WDR62: variants seen among roughly 807,000 people sequenced by gnomAD.
WDR62 encodes the protein WD repeat-containing protein 62.
A neutral mutation model predicts 160.6 loss-of-function variants in WDR62; 112 were observed. The observed-to-expected ratio is 0.70, with a 90% CI of 0.60 to 0.82. The LOEUF (loss-of-function observed/expected upper bound fraction) is 0.82. WDR62 is among the 40% of genes least tolerant of loss of function. WDR62 has a pLI of 0.00. For synonymous variants in WDR62, 792 were observed against 815.1 expected (o/e 0.97, Z 0.48); for missense variants, 1,819 against 1,983.8 (o/e 0.92, Z 1.58).
rs756674838 is a variant in WDR62 at position 36,094,200 on chromosome 19, G to A, written c.2467+36G>A. The A allele has an allele frequency of 3.1e-6, 5 of 1,609,134 alleles. No homozygotes were observed. The South Asian group carries it at 3.3e-5, about 11-fold the overall frequency. ...GGGCCCTATTTTGAACTATGTCAGT[G>A]TAGGGAATCATTGCTGGGTTTTGCC... On this transcript the variant is annotated intron_variant, in intron 20 of 31. Transcript: ENST00000401500.
At chr19:36,059,838 G>A in intron 2 of WDR62, 130 bp from the exon 3 acceptor site, 1 of 902,848 alleles carries the variant, frequency 1.1e-6, no homozygotes, top group East Asian at 2.4e-5. Context: ...ACCTGGAGGA[G>A]GGGGAGGAGG....
At chr19:36,094,212 T>C in intron 20 of WDR62, 48 bp downstream of exon 20, 1 of 1,567,008 alleles carries the variant, frequency 6.4e-7, no homozygotes, top group South Asian at 1.1e-5. Flanking sequence ...AGGGAATCAT[T>C]GCTGGGTTTT....
rs373738935 is a variant in WDR62 at position 36,086,720 on chromosome 19, G to A, written c.1676G>A (p.Arg559Gln). The part of the protein sequence containing the change: ...LTLLASASRD[R>Q]LIHVLNVEKN... ...TTGCTGGCCTCAGCCAGTCGGGACC[G>A]GCTGATCCATGTGCTGAACGTGGAG... The change falls in exon 13 of 32, where the codon CGG (arginine) becomes CAG (glutamine). Residue 559 changes from arginine to glutamine, a missense_variant. Physicochemically the swap from Arg to Gln is conservative, Grantham distance 43. Around this residue, in one of 3 missense-constraint regions of WDR62, gnomAD observed 934 missense variants for 1,157.2 expected, o/e 0.81. Coordinates refer to ENST00000401500, the MANE Select transcript of WDR62 (RefSeq NM_001083961.2). 56 of 1,604,944 alleles carry A rather than the reference G, an allele frequency of 3.5e-5. No homozygotes were observed. Among genetic ancestry groups the A allele is most frequent in the Non-Finnish European group, 4.2e-5 (49 of 1,175,402 alleles).
intron 9 of WDR62, among the ~76,000 whole-genome samples, chr19:36,078,630 T>C (rs1305720272): frequency 6.6e-6 from 1 of 151,484 alleles, no homozygotes; most frequent in Non-Finnish European, 1.5e-5. Flanking sequence ...AGGTCAGGAG[T>C]TTGAGACCAG....
At chr19:36,082,873 GT>G (rs1971982210) in intron 10 of WDR62, among the ~76,000 whole-genome samples, 189 bp from the exon 11 acceptor site, 1 of 152,224 alleles carries the variant, frequency 6.6e-6, no homozygotes, top group African/African-American at 2.4e-5. Flanking sequence ...ATATTTAATA[GT>G]TCAGAATTTA....
intron 3 of WDR62, among the ~76,000 whole-genome samples, chr19:36,065,717 C>A (rs1003756002): frequency 6.6e-6 from 1 of 152,218 alleles, no homozygotes. Flanking sequence ...ACAGTGTCTA[C>A]TCCATTTGGG....
chr19:36,108,444 C>A (rs1973750019), downstream of WDR62, among the ~76,000 whole-genome samples: 1 of 152,064 alleles, frequency 6.6e-6, no homozygotes, highest in Non-Finnish European at 1.5e-5. Flanking sequence ...GCTGCCAGGC[C>A]CGTGCCAGGC....
rs201808353 is a variant in WDR62 at position 36,099,408 on chromosome 19, G to A, written c.2530G>A (p.Asp844Asn). The change falls in exon 22 of 32, where the codon GAT becomes AAT. Residue 844 changes from aspartate to asparagine, a missense_variant. This residue lies in a region of WDR62 where 934 missense variants were observed against 1,157.2 expected (regional missense o/e 0.81). Coordinates refer to ENST00000401500, the MANE Select transcript of WDR62 (RefSeq NM_001083961.2). The stretch of plus-strand genomic sequence containing the variant: ...TCCGATATCCTTCAAGCTAGGGGAC[G>A]ATGATGTGGCAGATGGCTTGGCCTT... ...PLWAKRLLGD[D>N]DVADGLAFHA... The A allele has an allele frequency of 4.6e-5, 75 of 1,613,446 alleles. No individual in the cohort carries two copies. The highest frequency in any genetic ancestry group is 1.4e-5 in the Non-Finnish European group (17 of 1,179,996).
downstream of WDR62, among the ~76,000 whole-genome samples, chr19:36,107,874 GT>G (rs562203404): frequency 1.4e-3 from 218 of 152,240 alleles, no homozygotes; most frequent in Non-Finnish European, 2.3e-3. Context: ...GGTGCAGCAT[GT>G]GTGCATGTGG....
chr19:36,064,009 T>C (rs1187328249), intron 3 of WDR62, among the ~76,000 whole-genome samples: 1 of 152,162 alleles, frequency 6.6e-6, no homozygotes, highest in Non-Finnish European at 1.5e-5. Context: ...GGGGACTTCC[T>C]TGTGTTGCAG....
intron 20 of WDR62, among the ~76,000 whole-genome samples, chr19:36,096,352 C>T (rs1972952843): frequency 1.3e-5 from 2 of 152,198 alleles, no homozygotes; most frequent in Non-Finnish European, 2.9e-5. Context: ...ATCCTCCCAC[C>T]TCGACCTCTC....
rs1970911083 is a variant in WDR62 at position 36,065,902 on chromosome 19, G to T, written c.333-56G>T. 7 of 1,568,456 alleles carry T rather than the reference G, an allele frequency of 4.5e-6. No homozygotes were observed. The South Asian group carries it at 6.6e-5, about 15-fold the overall frequency. On this transcript the variant is annotated intron_variant, in intron 3 of 31. Coordinates refer to ENST00000401500, the MANE Select transcript of WDR62 (RefSeq NM_001083961.2). ...AGTCCTATCAGAGTCGCCAGGATGG[G>T]GTCTGGCTGGCCACCCTCAGCGGAA...
At chr19:36,073,583 C>CTGTGGGGA in intron 9 of WDR62, 52 bp downstream of exon 9, 1 of 1,449,614 alleles carries the variant, frequency 6.9e-7, no homozygotes, top group Non-Finnish European at 9.5e-7. Flanking sequence ...CACAGTTCCC[C>CTGTGGGGA]ACAGTTTGGG....
chr19:36,064,710 C>T (rs1342237472), intron 3 of WDR62, among the ~76,000 whole-genome samples: 6 of 151,960 alleles, frequency 3.9e-5, no homozygotes, highest in Admixed American at 3.9e-4. Context: ...CCCGAGTAGC[C>T]GGGATTACAG....
intron 20 of WDR62, among the ~76,000 whole-genome samples, chr19:36,094,973 A>G (rs116803113): frequency 0.011 from 1,613 of 152,006 alleles, 29 homozygotes; most frequent in African/African-American, 0.037. Flanking sequence ...CCATGTTATA[A>G]TGAGCTATGA....
Position 36,089,185 on chromosome 19 carries a change from G to A in WDR62, c.1837G>A (p.Gly613Ser), listed in dbSNP as rs759575095. ...KSIYFRSAQQ[G>S]SDGLHFVRTH... is the part of the protein sequence containing the mutation. ...CTGAAGGTCCTGCCGGCCCTGCCAGGGTTCGGATGGACTACACTTTGTCCG... is the reference window on the plus strand; with the variant it reads ...CTGAAGGTCCTGCCGGCCCTGCCAGAGTTCGGATGGACTACACTTTGTCCG... Residue 613 changes from glycine to serine, a missense_variant and splice_region_variant, in exon 15 of 32, where the codon GGT (glycine) becomes AGT (serine). Around this residue, in one of 3 missense-constraint regions of WDR62, gnomAD observed 934 missense variants for 1,157.2 expected, o/e 0.81. Coordinates refer to ENST00000401500, the MANE Select transcript of WDR62 (RefSeq NM_001083961.2). 1.9e-6 allele frequency: 3 copies of A among 1,614,124 alleles called. No individual in the cohort carries two copies. The highest frequency in any genetic ancestry group is 2.5e-6 in the Non-Finnish European group (3 of 1,180,010).
At chr19:36,080,730 C>T (rs1417142738) in intron 9 of WDR62, among the ~76,000 whole-genome samples, 1 of 152,196 alleles carries the variant, frequency 6.6e-6, no homozygotes, top group African/African-American at 2.4e-5. Context: ...GCTGAGATTA[C>T]AGGCATGAGC....
Position 36,103,634 on chromosome 19 carries a change from C to T in WDR62, c.3806C>T (p.Thr1269Ile). The change falls in exon 30 of 32, where the codon ACC becomes ATC. Residue 1269 changes from threonine to isoleucine, a missense_variant. This residue lies in a region of WDR62 where 770 missense variants were observed against 734.2 expected (regional missense o/e 1.05). Coordinates refer to ENST00000401500, the MANE Select transcript of WDR62 (RefSeq NM_001083961.2). Reference sequence around the variant, plus strand: ...TTGGGCCAGGAGCTTCAGGCCATCACCACCGCGACAACACCCAGTTTGGAC... The same window carrying T: ...TTGGGCCAGGAGCTTCAGGCCATCATCACCGCGACAACACCCAGTTTGGAC... Reference protein sequence around the residue: ...ASLGQELQAITTATTPSLDSE... With the variant: ...ASLGQELQAIITATTPSLDSE... The T allele has an allele frequency of 6.2e-7, 1 of 1,610,992 alleles. No homozygotes were observed. The highest frequency in any genetic ancestry group is 1.6e-4 in the Middle Eastern group (1 of 6,062).
chr19:36,066,136 G>GT, intron 4 of WDR62, 121 bp downstream of exon 4: 1 of 1,577,752 alleles, frequency 6.3e-7, no homozygotes, highest in South Asian at 1.1e-5. Flanking sequence ...GAACAGCCCT[G>GT]TAGCAGATGG....
Sources: gnomAD v4.1 joint callset for allele counts (sites outside exome capture counted in the v4.1 genomes callset) on GRCh38, gnomAD v4.1.1 for gene constraint, gnomAD v4.1.1 regional missense constraint, MANE v1.5 for transcripts, NCBI Gene and HGNC (gene_info 2026-07-23, HGNC 2026-07-21) for gene names.